Variants in SPATS2L observed in about 807,000 individuals in gnomAD.
SPATS2L encodes SPATS2-like protein.
Under a neutral mutation model 59.6 loss-of-function variants are expected in SPATS2L, and 30 were observed. The observed-to-expected ratio is 0.50, with a 90% CI of 0.38 to 0.68. The LOEUF (loss-of-function observed/expected upper bound fraction) is 0.68, where lower values mean the gene tolerates loss of function less well. Among genes scored for constraint, SPATS2L ranks in the 30% least tolerant of loss-of-function variants. The pLI is 0.00. For missense variants in SPATS2L, 615 were observed against 700.0 expected (o/e 0.88, Z 1.37); for synonymous variants, 252 against 263.5 (o/e 0.96, Z 0.42).
chr2:200,457,095 G>C (rs375972723), intron 8 of SPATS2L, among the ~76,000 whole-genome samples: 2 of 152,128 alleles, frequency 1.3e-5, no homozygotes, highest in African/African-American at 4.8e-5. Flanking sequence ...TGTAGTTTGG[G>C]CTTCTGGCTC....
intron 3 of SPATS2L, among the ~76,000 whole-genome samples, chr2:200,409,059 G>A (rs543935696): frequency 3.3e-5 from 5 of 152,344 alleles, no homozygotes; most frequent in East Asian, 1.9e-4. Flanking sequence ...GTCCTTTAGC[G>A]GGGCAGTCAA....
intron 2 of SPATS2L, among the ~76,000 whole-genome samples, chr2:200,380,677 A>G (rs992512622): frequency 6.6e-6 from 1 of 152,258 alleles, no homozygotes; most frequent in Non-Finnish European, 1.5e-5. Context: ...GCTTTTCAAA[A>G]GAGGCCAAGC....
At chr2:200,472,535 T>C (rs925203191) in intron 11 of SPATS2L, among the ~76,000 whole-genome samples, 2 of 152,190 alleles carry the variant, frequency 1.3e-5, no homozygotes, top group African/African-American at 4.8e-5. Context: ...TTTCCCTTGG[T>C]GGTTCTTGAC....
chr2:200,395,583 T>C (rs368444514), intron 3 of SPATS2L, among the ~76,000 whole-genome samples: 1 of 152,200 alleles, frequency 6.6e-6, no homozygotes, highest in Admixed American at 6.5e-5. Context: ...GATAATAAAA[T>C]CTGCCTCACA....
chr2:200,323,841 G>T (rs1308125340), intron 1 of SPATS2L, among the ~76,000 whole-genome samples: 9 of 152,216 alleles, frequency 5.9e-5, no homozygotes, highest in African/African-American at 1.7e-4. Flanking sequence ...GTAGAAAAAA[G>T]ATTTCAGAAG....
chr2:200,323,438 A>G (rs1253157624), intron 1 of SPATS2L, among the ~76,000 whole-genome samples: 1 of 152,236 alleles, frequency 6.6e-6, no homozygotes, highest in African/African-American at 2.4e-5. Context: ...TCATGAGCCA[A>G]TATACCATTT....
At chr2:200,313,621 G>A (rs913910539) in intron 1 of SPATS2L, among the ~76,000 whole-genome samples, 1 of 152,104 alleles carries the variant, frequency 6.6e-6, no homozygotes, top group Non-Finnish European at 1.5e-5. Context: ...TATTCTTTAT[G>A]AAAACAGAAA....
At position 200,416,443 on chromosome 2, in the gene SPATS2L, G is replaced by A; in HGVS notation, c.198+15G>A. 1 of 1,358,140 alleles carries A rather than the reference G, an allele frequency of 7.4e-7. No individual in the cohort carries two copies. Among genetic ancestry groups the A allele is most frequent in the Non-Finnish European group, 1.0e-6 (1 of 1,002,176 alleles). 84.1% of individuals were successfully genotyped at this position (1,358,140 alleles called of 1,614,324 possible). On this transcript the variant is annotated intron_variant, in intron 5 of 12. Transcript: ENST00000409140. ...GAAAAAAGAAGGTAAGATTAATATT[G>A]ATTGTAAATTGGTAACATCTTCAAT...
chr2:200,315,364 G>C (rs888378846), intron 1 of SPATS2L, among the ~76,000 whole-genome samples: 7 of 152,178 alleles, frequency 4.6e-5, no homozygotes, highest in African/African-American at 1.7e-4. Context: ...GAAGTGGGAG[G>C]CAGGAATTCT....
chr2:200,472,326 C>T (rs1462293537), intron 11 of SPATS2L, among the ~76,000 whole-genome samples: 1 of 152,230 alleles, frequency 6.6e-6, no homozygotes, highest in Non-Finnish European at 1.5e-5. Context: ...AACATCACCC[C>T]ATTCCCAAGC....
intron 2 of SPATS2L, among the ~76,000 whole-genome samples, chr2:200,352,151 T>C (rs895445902): frequency 1.1e-4 from 16 of 151,870 alleles, no homozygotes; most frequent in African/African-American, 3.4e-4. Context: ...CCAAAAAAGG[T>C]AGTGCTGTAT....
chr2:200,367,788 A>G (rs1338537058), intron 2 of SPATS2L, among the ~76,000 whole-genome samples: 2 of 152,180 alleles, frequency 1.3e-5, no homozygotes, highest in Admixed American at 1.3e-4. Context: ...TTGATGATCA[A>G]CTGAATCACA....
intron 2 of SPATS2L, among the ~76,000 whole-genome samples, chr2:200,330,450 C>T (rs2079901329): frequency 6.6e-6 from 1 of 152,148 alleles, no homozygotes; most frequent in East Asian, 1.9e-4. Flanking sequence ...TATTTTACTT[C>T]CTCATATTTG....
intron 5 of SPATS2L, among the ~76,000 whole-genome samples, chr2:200,417,478 A>G (rs2083113081): frequency 6.6e-6 from 1 of 152,184 alleles, no homozygotes; most frequent in South Asian, 2.1e-4. Context: ...TTAGACTTAC[A>G]TAGAAAAATT....
chr2:200,323,908 G>A (rs1464125039), intron 1 of SPATS2L, among the ~76,000 whole-genome samples: 2 of 152,188 alleles, frequency 1.3e-5, no homozygotes, highest in African/African-American at 4.8e-5. Flanking sequence ...TGCAAGTGCT[G>A]GAGGGGACAG....
chr2:200,351,677 C>G (rs1302448738), intron 2 of SPATS2L, among the ~76,000 whole-genome samples: 2 of 152,040 alleles, frequency 1.3e-5, no homozygotes, highest in African/African-American at 4.8e-5. Flanking sequence ...TTTTTATTCA[C>G]TCCTCCCTTC....
intron 2 of SPATS2L, among the ~76,000 whole-genome samples, chr2:200,330,477 C>T (rs1387534194): frequency 6.6e-6 from 1 of 152,190 alleles, no homozygotes; most frequent in Non-Finnish European, 1.5e-5. Context: ...AATGAAAGCA[C>T]TTTCAGTTGT....
intron 8 of SPATS2L, among the ~76,000 whole-genome samples, chr2:200,452,250 C>G (rs962273338): frequency 2.6e-5 from 4 of 152,188 alleles, no homozygotes; most frequent in African/African-American, 2.4e-5. Flanking sequence ...TATTGTTCAT[C>G]AAAGTCATAT....
intron 1 of SPATS2L, among the ~76,000 whole-genome samples, chr2:200,323,084 T>C (rs1210196143): frequency 2.0e-5 from 3 of 152,226 alleles, no homozygotes; most frequent in Non-Finnish European, 4.4e-5. Flanking sequence ...CAACTTGGCA[T>C]GTTGGTACTA....
Sources: allele counts gnomAD v4.1 joint callset (sites outside exome capture counted in the v4.1 genomes callset), GRCh38; gene constraint gnomAD v4.1.1; transcripts MANE v1.5; gene names NCBI Gene and HGNC (gene_info 2026-07-23, HGNC 2026-07-21).